The following GTF2IRD1 variants were observed in gnomAD, a reference collection of about 807,000 sequenced individuals.
GTF2IRD1 encodes general transcription factor II-I repeat domain-containing protein 1.
Under a neutral mutation model 113.2 loss-of-function variants are expected in GTF2IRD1, and 26 were observed. The observed-to-expected ratio is 0.23, with a 90% CI of 0.17 to 0.32. The LOEUF is 0.32. GTF2IRD1 is among the 10% of genes least tolerant of loss of function. GTF2IRD1 has a pLI of 1.00. For missense variants in GTF2IRD1, 864 were observed against 1,280.8 expected, an observed-to-expected ratio of 0.67 and a Z score of 4.97; for synonymous variants, 484 against 529.1, an observed-to-expected ratio of 0.91 and a Z score of 1.17.
chr7:74,502,983 A>G (rs1796112062), intron 1 of GTF2IRD1, among the ~76,000 whole-genome samples: 1 of 152,118 alleles, frequency 6.6e-6, no homozygotes, highest in Non-Finnish European at 1.5e-5. Context: ...CCTGACCAAC[A>G]TGGTGAAACC....
intron 1 of GTF2IRD1, among the ~76,000 whole-genome samples, chr7:74,479,419 G>A (rs1794612548): frequency 6.6e-6 from 1 of 151,466 alleles, no homozygotes; most frequent in Non-Finnish European, 1.5e-5. Flanking sequence ...GCCCAGGCTG[G>A]CGGTTGGGTT....
In GTF2IRD1 at chr7:74,555,490, T is replaced by G. The variant is rs782475397; in HGVS notation, c.2019T>G (p.Phe673Leu). ...ACGAGAGCCTGAAGAGACAGGGCTT[T>G]CAAGGTAAGGTTGAGCTCACGGGGA... is the stretch of plus-strand genomic sequence containing the variant. ...LVDESLKRQG[F>L]QENYDARLSR... Residue 673 changes from phenylalanine (F) to leucine (L), a missense_variant, in exon 19 of 27, where the codon TTT becomes TTG. This residue lies in a region of GTF2IRD1 where 195 missense variants were observed against 359.1 expected (regional missense o/e 0.54). Transcript: ENST00000424337. The surrounding 1 kb of genome is among the most constrained non-coding windows in gnomAD (Gnocchi z 5.3). The G allele has an allele frequency of 1.2e-5, 20 of 1,601,076 alleles. No homozygotes were observed. The highest frequency in any genetic ancestry group is 1.7e-5 in the Non-Finnish European group (20 of 1,168,322).
At position 74,557,731 on chromosome 7, in the gene GTF2IRD1, T is replaced by C. The variant is rs368508211; in HGVS notation, c.2107+9T>C. 3.0e-5 allele frequency: 47 copies of C among 1,569,472 alleles called. No individual in the cohort carries two copies. The highest frequency in any genetic ancestry group is 8.4e-5 in the Admixed American group (5 of 59,268). ...TTTCAATAAGAAATACGGTAAGCAG[T>C]GCAGAACCCCCGGGGAGGGACACGC... On this transcript the variant is annotated intron_variant, in intron 20 of 26. Transcript: ENST00000424337.
intron 11 of GTF2IRD1, among the ~76,000 whole-genome samples, chr7:74,537,156 T>A (rs1335258914): frequency 1.3e-5 from 2 of 151,616 alleles, no homozygotes; most frequent in Non-Finnish European, 2.9e-5. Flanking sequence ...ACGCCTGTAA[T>A]CCCAGCACTT....
chr7:74,532,876 C>T (rs1554349242), intron 9 of GTF2IRD1, among the ~76,000 whole-genome samples: 1 of 152,170 alleles, frequency 6.6e-6, no homozygotes, highest in Non-Finnish European at 1.5e-5. Context: ...CTTCTTTCCT[C>T]CTACATTCCC....
At chr7:74,566,428 C>T (rs587626075) in intron 22 of GTF2IRD1, among the ~76,000 whole-genome samples, 2 of 152,294 alleles carry the variant, frequency 1.3e-5, no homozygotes, top group East Asian at 3.9e-4. Context: ...CCGTAACCTC[C>T]GCCTCCCGAG....
chr7:74,546,672 G>GT (rs1242519600), intron 16 of GTF2IRD1, among the ~76,000 whole-genome samples: 1 of 152,216 alleles, frequency 6.6e-6, no homozygotes, highest in Admixed American at 6.5e-5. Context: ...AAGGCGTGGT[G>GT]TTGTGCCACA....
At chr7:74,592,493 A>G (rs1353634475) in intron 24 of GTF2IRD1, among the ~76,000 whole-genome samples, 72 of 151,178 alleles carry the variant, frequency 4.8e-4, no homozygotes, top group Middle Eastern at 3.4e-3. Context: ...TGCTGGGATT[A>G]TGGGGGTCAG....
intron 13 of GTF2IRD1, 28 bp from the exon 14 acceptor site, chr7:74,539,851 C>T: frequency 6.5e-7 from 1 of 1,530,848 alleles, no homozygotes; most frequent in Admixed American, 1.7e-5. Flanking sequence ...GCAGAAGATA[C>T]CCGTGTCATT....
At chr7:74,566,660 G>A (rs782724306) in intron 22 of GTF2IRD1, among the ~76,000 whole-genome samples, 1 of 152,106 alleles carries the variant, frequency 6.6e-6, no homozygotes, top group Non-Finnish European at 1.5e-5. Context: ...CTTACGATTT[G>A]CCGGTTACAA....
chr7:74,601,445 C>T, intron 26 of GTF2IRD1: 2 of 1,458,828 alleles, frequency 1.4e-6, no homozygotes, highest in African/African-American at 2.8e-5. Flanking sequence ...TCCACCTGCC[C>T]ACACCCTTCA....
intron 17 of GTF2IRD1, among the ~76,000 whole-genome samples, chr7:74,553,674 C>T (rs28571578): frequency 0.1 from 15,613 of 152,096 alleles, 2,516 homozygotes; most frequent in African/African-American, 0.35. Context: ...CGGGAGAGGC[C>T]GTCTGGTGGG....
chr7:74,455,469 G>T (rs909065174), intron 1 of GTF2IRD1, among the ~76,000 whole-genome samples: 4 of 152,208 alleles, frequency 2.6e-5, no homozygotes, highest in Non-Finnish European at 4.4e-5. Flanking sequence ...CTTGGAAGGT[G>T]CCCCAAGCAG....
chr7:74,583,379 T>C (rs1206189438), intron 22 of GTF2IRD1, among the ~76,000 whole-genome samples: 3 of 148,802 alleles, frequency 2.0e-5, no homozygotes, highest in African/African-American at 4.9e-5. Flanking sequence ...TTCTTTTTTT[T>C]TTTTTTTTTT....
At chr7:74,525,326 A>G (rs1339829924) in intron 8 of GTF2IRD1, among the ~76,000 whole-genome samples, 1 of 152,070 alleles carries the variant, frequency 6.6e-6, no homozygotes, top group Non-Finnish European at 1.5e-5. Flanking sequence ...TCTGTGACAC[A>G]TTGGGAACTT....
At chr7:74,527,131 A>G (rs1226071652) in intron 8 of GTF2IRD1, among the ~76,000 whole-genome samples, 6 of 152,172 alleles carry the variant, frequency 3.9e-5, no homozygotes, top group Admixed American at 6.5e-5. Flanking sequence ...GGCCCCGTCC[A>G]TGGTCATACG....
chr7:74,574,995 C>T lies in GTF2IRD1; in HGVS notation c.2321-14856C>T, dbSNP rs149204724. 1.4e-3 allele frequency among the ~76,000 whole-genome samples: 212 copies of T among 152,160 alleles called. 1 individual carries two copies. In the East Asian group the frequency reaches 0.034, roughly 25 times the overall value. ...ATCCCAGCTACTTGGGAGGCTGAGG[C>T]AGGAGAATCGCTTGAACCCGGGAGG... is the stretch of plus-strand genomic sequence containing the variant. On this transcript the variant is annotated intron_variant, in intron 22 of 26. Coordinates refer to ENST00000424337, the MANE Select transcript of GTF2IRD1 (RefSeq NM_005685.4).
intron 14 of GTF2IRD1, among the ~76,000 whole-genome samples, chr7:74,540,440 C>T (rs1798567145): frequency 1.3e-5 from 2 of 151,794 alleles, no homozygotes; most frequent in African/African-American, 4.8e-5. Context: ...GCCACCGTGC[C>T]TGGCCATAGG....
chr7:74,584,217 G>T (rs1229240589), intron 22 of GTF2IRD1, among the ~76,000 whole-genome samples: 4 of 152,110 alleles, frequency 2.6e-5, no homozygotes, highest in Non-Finnish European at 5.9e-5. Flanking sequence ...GCCAAGCCAG[G>T]TGGATCACCT....
Sources: gnomAD v4.1 joint callset for allele counts (sites outside exome capture counted in the v4.1 genomes callset) on GRCh38, gnomAD v4.1.1 for gene constraint, gnomAD v4.1.1 regional missense constraint, Gnocchi (gnomAD v3.1) non-coding constraint, MANE v1.5 for transcripts, NCBI Gene and HGNC (gene_info 2026-07-23, HGNC 2026-07-21) for gene names.